The following DMD variants were observed in gnomAD, a reference collection of about 807,000 sequenced individuals.
DMD encodes mutant dystrophin.
DMD carries 63 observed loss-of-function variants against 330.1 expected under a neutral mutation model. The ratio of observed to expected loss-of-function variants is 0.19; its 90% CI spans 0.16 to 0.24. The LOEUF is 0.24. Among genes scored for constraint, DMD ranks in the 10% least tolerant of loss-of-function variants. The pLI is 1.00. For synonymous variants in DMD, 1,223 were observed against 959.8 expected (o/e 1.27, Z -5.07); for missense variants, 3,344 against 2,684.1 (o/e 1.25, Z -5.43).
At chrX:31,363,183 TA>T (rs979830680) in intron 60 of DMD, among the ~76,000 whole-genome samples, 1 of 111,387 alleles carries the variant, frequency 9.0e-6, no homozygotes, top group Non-Finnish European at 1.9e-5. Context: ...ATATTTGTTT[TA>T]AAAAACAGAA....
intron 44 of DMD, among the ~76,000 whole-genome samples, chrX:32,088,364 T>G: frequency 9.1e-6 from 1 of 110,117 alleles, no homozygotes; most frequent in East Asian, 2.9e-4. Context: ...GTCAGACAGG[T>G]TCCACGGTGG....
At chrX:32,754,504 T>C (rs989662015) in intron 7 of DMD, among the ~76,000 whole-genome samples, 1 of 106,951 alleles carries the variant, frequency 9.4e-6, no homozygotes, top group Admixed American at 1.0e-4. Flanking sequence ...CCCGATACCA[T>C]AGAACCTTAG....
At chrX:32,644,576 G>A (rs1407836247) in intron 10 of DMD, among the ~76,000 whole-genome samples, 1 of 109,814 alleles carries the variant, frequency 9.1e-6, no homozygotes, top group East Asian at 2.8e-4. Context: ...CTCCCAGGAA[G>A]TTCCGCAAGG....
chrX:32,432,589 T>G (rs1272147934), intron 29 of DMD, among the ~76,000 whole-genome samples: 1 of 111,986 alleles, frequency 8.9e-6, no homozygotes, highest in Non-Finnish European at 1.9e-5. Context: ...GCTAATCAAA[T>G]CTATTTCATA....
At chrX:32,606,821 T>A (rs1406479092) in intron 12 of DMD, among the ~76,000 whole-genome samples, 1 of 107,604 alleles carries the variant, frequency 9.3e-6, no homozygotes, top group Non-Finnish European at 1.9e-5. Flanking sequence ...AAGTATGAAA[T>A]CCTGTCTTTT....
chrX:32,152,650 C>T (rs1399790262), intron 44 of DMD, among the ~76,000 whole-genome samples: 1 of 111,521 alleles, frequency 9.0e-6, no homozygotes, highest in Non-Finnish European at 1.9e-5. Context: ...AGCGAAAGTG[C>T]CCTTAAACAT....
chrX:32,652,025 G>A (rs892989968), intron 9 of DMD, among the ~76,000 whole-genome samples: 3 of 111,381 alleles, frequency 2.7e-5, no homozygotes, highest in African/African-American at 9.8e-5. Flanking sequence ...TGCCTCCGAT[G>A]CTCCAGTTAA....
chrX:32,409,010 C>T (rs1362988850), intron 30 of DMD, among the ~76,000 whole-genome samples: 2 of 110,533 alleles, frequency 1.8e-5, no homozygotes, highest in Admixed American at 2.0e-4. Flanking sequence ...ATCTTACACA[C>T]TGTGCTTATG....
chrX:32,648,611 A>G (rs150959657), intron 9 of DMD, among the ~76,000 whole-genome samples: 8,420 of 111,774 alleles, frequency 0.075, 302 homozygotes, highest in African/African-American at 0.14. Flanking sequence ...TTTGTAAAAC[A>G]AAATTGGAAA....
intron 59 of DMD, among the ~76,000 whole-genome samples, chrX:31,448,547 T>C (rs2065455706): frequency 8.9e-6 from 1 of 112,398 alleles, no homozygotes; most frequent in African/African-American, 3.2e-5. Context: ...ATGACACACA[T>C]AAATTTGTGT....
intron 1 of DMD, among the ~76,000 whole-genome samples, chrX:33,164,316 G>A (rs1030767835): frequency 2.3e-4 from 26 of 111,952 alleles, no homozygotes; most frequent in African/African-American, 7.8e-4. Context: ...GGCCATTTCT[G>A]AGCTTTAAGC....
intron 44 of DMD, among the ~76,000 whole-genome samples, chrX:32,074,755 C>G (rs962622477): frequency 9.6e-6 from 1 of 103,794 alleles, no homozygotes; most frequent in African/African-American, 3.7e-5. Flanking sequence ...GGAGAAAGCA[C>G]GTACAAGGAG....
chrX:31,981,029 T>C (rs766264978), intron 44 of DMD, among the ~76,000 whole-genome samples: 4 of 111,886 alleles, frequency 3.6e-5, no homozygotes, highest in African/African-American at 1.3e-4. Flanking sequence ...AATAGGCTGA[T>C]TGCCAAACCT....
intron 43 of DMD, among the ~76,000 whole-genome samples, chrX:32,223,254 A>C (rs1349217071): frequency 9.0e-6 from 1 of 111,723 alleles, no homozygotes; most frequent in East Asian, 2.8e-4. Flanking sequence ...TATCTTCACA[A>C]GGCAGAAGGT....
chrX:31,726,881 T>TTCA (rs1266094188), intron 52 of DMD, among the ~76,000 whole-genome samples: 3 of 111,878 alleles, frequency 2.7e-5, no homozygotes, highest in African/African-American at 9.7e-5. Context: ...GCTGCAAATA[T>TTCA]TCATAAAGGT....
chrX:33,338,493 A>G (rs185637421), intron 1 of DMD, among the ~76,000 whole-genome samples: 6 of 109,466 alleles, frequency 5.5e-5, no homozygotes, highest in African/African-American at 1.6e-4. Flanking sequence ...ATAAATAAAT[A>G]AATGCTCACA....
At chrX:32,285,356 T>C (rs1000487530) in intron 43 of DMD, among the ~76,000 whole-genome samples, 2 of 112,173 alleles carry the variant, frequency 1.8e-5, no homozygotes, top group African/African-American at 3.2e-5. Context: ...CAGAGCCTCA[T>C]AATGTCTCAA....
At chrX:31,951,127 ATATATATATATATGTG>A (rs201337724) in intron 45 of DMD, among the ~76,000 whole-genome samples, 946 of 82,023 alleles carry the variant, frequency 0.012, 29 homozygotes, top group African/African-American at 0.047. Context: ...ATATACATAT[ATATATATATATATGTG>A]TATATATATA....
chrX:32,629,214 A>G (rs2058572694), intron 11 of DMD, among the ~76,000 whole-genome samples: 1 of 111,452 alleles, frequency 9.0e-6, no homozygotes, highest in Non-Finnish European at 1.9e-5. Flanking sequence ...GTACATATTT[A>G]TTTACAATTG....
Sources: gnomAD v4.1 joint callset for allele counts (sites outside exome capture counted in the v4.1 genomes callset) on GRCh38, gnomAD v4.1.1 for gene constraint, MANE v1.5 for transcripts, NCBI Gene and HGNC (gene_info 2026-07-23, HGNC 2026-07-21) for gene names.